VAV2: variants seen among roughly 807,000 people sequenced by gnomAD.
The protein encoded by VAV2 is guanine nucleotide exchange factor VAV2.
Under a neutral mutation model 132.5 loss-of-function variants are expected in VAV2, and 67 were observed. The observed-to-expected ratio is 0.51, with a 90% CI of 0.42 to 0.62. VAV2 has a LOEUF of 0.62. Ranked by LOEUF, VAV2 falls within the 20% of genes least tolerant of loss-of-function variation. The probability of loss-of-function intolerance (pLI) is 0.00; values close to 1 mark genes in which losing one functional copy is unlikely to be tolerated. For missense variants in VAV2, 938 were observed against 1,153.6 expected, an observed-to-expected ratio of 0.81 and a Z score of 2.71; for synonymous variants, 492 against 443.5, an observed-to-expected ratio of 1.11 and a Z score of -1.37.
At chr9:133,850,596 T>A in intron 3 of VAV2, among the ~76,000 whole-genome samples, 1 of 152,166 alleles carries the variant, frequency 6.6e-6, no homozygotes, top group East Asian at 1.9e-4. Flanking sequence ...TTTCCCCATC[T>A]GTAACGGGAG....
chr9:133,865,038 G>GCCT (rs1837746089), intron 2 of VAV2, among the ~76,000 whole-genome samples: 1 of 152,250 alleles, frequency 6.6e-6, no homozygotes, highest in Non-Finnish European at 1.5e-5. Flanking sequence ...TGCAGGTTCA[G>GCCT]CAGAGGATAG....
At chr9:133,793,790 G>A (rs1834596154) in intron 12 of VAV2, among the ~76,000 whole-genome samples, 1 of 152,182 alleles carries the variant, frequency 6.6e-6, no homozygotes, top group African/African-American at 2.4e-5. Flanking sequence ...CAGCGGCACG[G>A]GGGCTGATTC....
At chr9:133,819,205 GA>G (rs749876548) in intron 4 of VAV2, among the ~76,000 whole-genome samples, 12 of 151,982 alleles carry the variant, frequency 7.9e-5, no homozygotes, top group Non-Finnish European at 1.2e-4. Context: ...AGCACTTTGG[GA>G]GGCCGAGGTG....
At position 133,992,081 on chromosome 9, in the gene VAV2, C is replaced by T; in HGVS notation, c.198G>A (p.Met66Ile). The T allele has an allele frequency of 6.4e-7, 1 of 1,572,946 alleles. No individual in the cohort carries two copies. The change falls in exon 1 of 30, where the codon ATG becomes ATA. Residue 66 changes from methionine (M) to isoleucine (I), a missense_variant. Transcript: ENST00000371850. This position sits in a 1 kb window ranked among gnomAD's most constrained non-coding sequence, Gnocchi z 5.5. The stretch of plus-strand genomic sequence containing the variant: ...CCGCCCGCCGGGCGCTCACCTGGGA[C>T]ATCTGCGGCCGGAAGTTGATGTCCT... ...DLKDINFRPQ[M>I]SQFLCLKNIR...
At chr9:133,773,311 TAAA>T (rs76544740) in intron 25 of VAV2, among the ~76,000 whole-genome samples, 56,329 of 151,892 alleles carry the variant, frequency 0.37, 11,028 homozygotes, top group Non-Finnish European at 0.44. Context: ...GTAGAAAAGA[TAAA>T]AAACAGGACA....
At chr9:133,965,939 T>C (rs2132238944) in intron 1 of VAV2, among the ~76,000 whole-genome samples, 1 of 152,116 alleles carries the variant, frequency 6.6e-6, no homozygotes, top group South Asian at 2.1e-4. Flanking sequence ...ACAAAACACA[T>C]ACCTAGACCA....
At position 133,871,478 on chromosome 9, in the gene VAV2, A is replaced by AGAAG. The variant is rs1182958164; in HGVS notation, c.322-10047_322-10046insCTTC. On this transcript the variant is annotated intron_variant, in intron 2 of 29. Transcript: ENST00000371850. Reference sequence around the variant, plus strand: ...GATGGATGGAGAAGCGGATGGATGGATGGATGGATGGATGGATGGATGGAT... The same window carrying AGAAG: ...GATGGATGGAGAAGCGGATGGATGGAGAAGTGGATGGATGGATGGATGGATGGAT... 6.2e-3 allele frequency among the ~76,000 whole-genome samples: 758 copies of AGAAG among 123,012 alleles called. 5 individuals carry two copies. The highest frequency in any genetic ancestry group is 0.035 in the African/African-American group (711 of 20,108). 80.7% of individuals were successfully genotyped at this position (123,012 alleles called of 152,430 possible).
chr9:133,838,781 G>T (rs1836586017), intron 3 of VAV2, among the ~76,000 whole-genome samples: 1 of 146,076 alleles, frequency 6.8e-6, no homozygotes, highest in Non-Finnish European at 1.5e-5. Context: ...ATAAATGGAT[G>T]GCTGAGTGCA....
chr9:133,917,032 G>A (rs887192162), intron 2 of VAV2, among the ~76,000 whole-genome samples: 2 of 152,174 alleles, frequency 1.3e-5, no homozygotes, highest in African/African-American at 2.4e-5. Flanking sequence ...CTCTCACGGG[G>A]TCCTGTCCCC....
At chr9:133,982,316 T>C (rs901976749) in intron 1 of VAV2, among the ~76,000 whole-genome samples, 1 of 152,112 alleles carries the variant, frequency 6.6e-6, no homozygotes, top group African/African-American at 2.4e-5. Flanking sequence ...AAACTGTGCA[T>C]GGCTGCAGCA....
At chr9:133,951,280 A>G (rs974737223) in intron 1 of VAV2, among the ~76,000 whole-genome samples, 2 of 152,200 alleles carry the variant, frequency 1.3e-5, no homozygotes, top group Admixed American at 6.5e-5. Context: ...TTCTTAGTCA[A>G]TTGCCAAACG....
intron 3 of VAV2, among the ~76,000 whole-genome samples, chr9:133,851,924 G>C (rs1837199303): frequency 6.6e-6 from 1 of 151,240 alleles, no homozygotes; most frequent in South Asian, 2.1e-4. Flanking sequence ...TGGATGGATG[G>C]ATGGATGGAT....
intron 15 of VAV2, 40 bp from the exon 16 acceptor site, chr9:133,787,300 G>A (rs1564345755): frequency 6.4e-7 from 1 of 1,557,494 alleles, no homozygotes; most frequent in Non-Finnish European, 8.7e-7. Flanking sequence ...AAGACGGTCA[G>A]TGAGAGGCTA....
intron 1 of VAV2, among the ~76,000 whole-genome samples, chr9:133,973,976 A>G (rs1842424921): frequency 6.6e-6 from 1 of 152,186 alleles, no homozygotes. Context: ...CTGACCCCAG[A>G]TTACCAGGCC....
rs1192809186 is a variant in VAV2, at chr9:133,768,443, C to T, written c.2588G>A (p.Arg863Gln). ...QGWWKGETNG[R>Q]IGWFPSTYVE... ...CACCCTCAGGGTGGGGCCACTCACC[C>T]GTCCGTTGGTCTCGCCCTTCCACCA... The change falls in exon 29 of 30, where the codon CGG (arginine) becomes CAG (glutamine). Residue 863 changes from arginine (R) to glutamine (Q), a missense_variant and splice_region_variant. Transcript: ENST00000371850. The surrounding 1 kb of genome is among the most constrained non-coding windows in gnomAD (Gnocchi z 5.3). The T allele has an allele frequency of 6.2e-6, 10 of 1,612,512 alleles. No individual in the cohort carries two copies. Among genetic ancestry groups the T allele is most frequent in the South Asian group, 3.3e-5 (3 of 91,010 alleles).
At position 133,834,049 on chromosome 9, in the gene VAV2, T is replaced by C. The variant is rs1836365186; in HGVS notation, c.449+223A>G. ...GCAGCCTTCTAGAATGTACAAGGGA[T>C]ATGAAGATCTGCTCATGTCTGAGGT... On this transcript the variant is annotated intron_variant, in intron 4 of 29. Transcript: ENST00000371850. The surrounding 1 kb of genome is among the most constrained non-coding windows in gnomAD (Gnocchi z 5.9). Among the ~76,000 whole-genome samples, 1 of 152,166 alleles carries C rather than the reference T, an allele frequency of 6.6e-6. No individual in the cohort carries two copies.
At chr9:133,902,795 G>A (rs1588342606) in intron 2 of VAV2, among the ~76,000 whole-genome samples, 1 of 152,214 alleles carries the variant, frequency 6.6e-6, no homozygotes, top group East Asian at 1.9e-4. Context: ...AAGTTTGCCA[G>A]GCGCAATGGC....
intron 3 of VAV2, among the ~76,000 whole-genome samples, chr9:133,839,794 G>C (rs532318692): frequency 1.3e-5 from 2 of 152,332 alleles, no homozygotes; most frequent in Admixed American, 6.5e-5. Context: ...AGATCACACA[G>C]AGGTATTTAA....
At chr9:133,869,273 C>A (rs1218727899) in intron 2 of VAV2, among the ~76,000 whole-genome samples, 1 of 152,050 alleles carries the variant, frequency 6.6e-6, no homozygotes, top group Non-Finnish European at 1.5e-5. Flanking sequence ...CAGGCAGGAG[C>A]CACCACACCC....
Sources: gnomAD v4.1 joint callset for allele counts (sites outside exome capture counted in the v4.1 genomes callset) on GRCh38, gnomAD v4.1.1 for gene constraint, Gnocchi (gnomAD v3.1) non-coding constraint, MANE v1.5 for transcripts, NCBI Gene and HGNC (gene_info 2026-07-23, HGNC 2026-07-21) for gene names.